The following CCSER1 variants were observed in gnomAD, a reference collection of about 807,000 sequenced individuals.
The protein encoded by CCSER1 is coiled-coil serine rich protein 1, also known as serine-rich coiled-coil domain-containing protein 1.
A neutral mutation model predicts 82.0 loss-of-function variants in CCSER1; 41 were observed. That is an observed-to-expected ratio of 0.50 (90% CI 0.39 to 0.65). The LOEUF (loss-of-function observed/expected upper bound fraction) is 0.65. Among genes scored for constraint, CCSER1 ranks in the 30% least tolerant of loss-of-function variants. The pLI is 0.00. For synonymous variants in CCSER1, 414 were observed against 383.9 expected (o/e 1.08, Z -0.92); for missense variants, 1,119 against 1,064.2 (o/e 1.05, Z -0.72).
At chr4:90,798,382 T>C (rs905339562) in intron 7 of CCSER1, among the ~76,000 whole-genome samples, 1 of 152,172 alleles carries the variant, frequency 6.6e-6, no homozygotes, top group Non-Finnish European at 1.5e-5. Context: ...CTGCATTATT[T>C]ATCAGGATTT....
intron 9 of CCSER1, among the ~76,000 whole-genome samples, chr4:90,966,594 G>C (rs1385596399): frequency 6.6e-6 from 1 of 152,060 alleles, no homozygotes; most frequent in African/African-American, 2.4e-5. Context: ...AAATTTTAAA[G>C]AAAGTCCTTC....
At chr4:90,589,818 T>C (rs1321675514) in intron 5 of CCSER1, among the ~76,000 whole-genome samples, 1 of 152,236 alleles carries the variant, frequency 6.6e-6, no homozygotes, top group Non-Finnish European at 1.5e-5. Flanking sequence ...AGAAACTTTC[T>C]ATTAAAATAA....
intron 9 of CCSER1, among the ~76,000 whole-genome samples, chr4:90,963,888 T>C (rs113479138): frequency 4.1e-4 from 63 of 152,322 alleles, no homozygotes; most frequent in African/African-American, 1.5e-3. Flanking sequence ...TTCAAGAAGT[T>C]AGGAGTTGTC....
intron 6 of CCSER1, among the ~76,000 whole-genome samples, chr4:90,631,362 T>A (rs991705173): frequency 3.3e-5 from 5 of 152,224 alleles, no homozygotes; most frequent in African/African-American, 1.2e-4. Context: ...TTGAAACCTA[T>A]GACTTAGTGG....
chr4:91,419,112 G>A (rs2149381321), intron 10 of CCSER1, among the ~76,000 whole-genome samples: 1 of 151,818 alleles, frequency 6.6e-6, no homozygotes, highest in East Asian at 1.9e-4. Flanking sequence ...TATAAAACAA[G>A]CCCACAGCTA....
chr4:90,894,434 G>A (rs1052242599), intron 8 of CCSER1, among the ~76,000 whole-genome samples: 7 of 151,962 alleles, frequency 4.6e-5, no homozygotes, highest in South Asian at 2.1e-4. Flanking sequence ...TGAAAATGCC[G>A]AGGCAACAAA....
intron 5 of CCSER1, among the ~76,000 whole-genome samples, chr4:90,624,574 A>G (rs527848331): frequency 6.6e-6 from 1 of 152,314 alleles, no homozygotes; most frequent in East Asian, 1.9e-4. Context: ...CTTTCACACA[A>G]AGGATCCCAG....
At chr4:90,669,685 T>A (rs1422679911) in intron 6 of CCSER1, among the ~76,000 whole-genome samples, 1 of 152,074 alleles carries the variant, frequency 6.6e-6, no homozygotes, top group African/African-American at 2.4e-5. Flanking sequence ...TTGGTGTGAA[T>A]GAATCATGTC....
intron 10 of CCSER1, among the ~76,000 whole-genome samples, chr4:91,586,154 T>C (rs1251425417): frequency 6.6e-6 from 1 of 151,642 alleles, no homozygotes; most frequent in Non-Finnish European, 1.5e-5. Flanking sequence ...ACTCATTTAT[T>C]TGTTCAACAA....
At chr4:91,082,502 A>G (rs879910115) in intron 9 of CCSER1, among the ~76,000 whole-genome samples, 1 of 152,232 alleles carries the variant, frequency 6.6e-6, no homozygotes, top group African/African-American at 2.4e-5. Context: ...AGGCATGAGC[A>G]AGGACTTTGT....
At chr4:91,216,168 G>A (rs1431830619) in intron 10 of CCSER1, among the ~76,000 whole-genome samples, 2 of 152,224 alleles carry the variant, frequency 1.3e-5, no homozygotes, top group Non-Finnish European at 2.9e-5. Context: ...TGTCAGACCT[G>A]CAGCTGGTCA....
intron 6 of CCSER1, among the ~76,000 whole-genome samples, chr4:90,644,730 G>C (rs1033107479): frequency 4.0e-5 from 6 of 151,582 alleles, no homozygotes; most frequent in African/African-American, 1.5e-4. Flanking sequence ...TTGATTTTCT[G>C]TGCCTGCATA....
At chr4:90,271,826 T>TTATATA (rs1189309598) in intron 1 of CCSER1, among the ~76,000 whole-genome samples, 130 of 42,806 alleles carry the variant, frequency 3.0e-3, no homozygotes, top group South Asian at 8.5e-3. Flanking sequence ...ACTGGACAAT[T>TTATATA]TATATATATA....
chr4:91,533,210 A>G (rs1335668971), intron 10 of CCSER1, among the ~76,000 whole-genome samples: 1 of 152,194 alleles, frequency 6.6e-6, no homozygotes, highest in Non-Finnish European at 1.5e-5. Flanking sequence ...ATCATTTTAT[A>G]TACTTATTTC....
At position 91,173,056 on chromosome 4, in the gene CCSER1, T is replaced by C. The variant is rs573516566; in HGVS notation, c.2217+87062T>C. Among the ~76,000 whole-genome samples, 42 of 152,314 alleles carry C rather than the reference T, an allele frequency of 2.8e-4. 1 individual carries two copies. In the South Asian group the frequency reaches 8.5e-3, roughly 31 times the overall value. On this transcript the variant is annotated intron_variant, in intron 10 of 10. Transcript: ENST00000509176. ...GTGATTAAATCGAAAGAACATCTGA[T>C]TTACATTTATCTTTTGGCCCTGTTG...
At chr4:90,421,886 G>A (rs570005435) in intron 4 of CCSER1, among the ~76,000 whole-genome samples, 2 of 152,070 alleles carry the variant, frequency 1.3e-5, no homozygotes, top group African/African-American at 4.8e-5. Context: ...GAATTGTTAG[G>A]GTACACCAAA....
At chr4:90,403,097 G>A (rs923314664) in intron 4 of CCSER1, among the ~76,000 whole-genome samples, 1 of 152,088 alleles carries the variant, frequency 6.6e-6, no homozygotes, top group Non-Finnish European at 1.5e-5. Flanking sequence ...CATGTTGTGT[G>A]GTTTTTAAAA....
chr4:91,476,832 T>C (rs1261563972), intron 10 of CCSER1, among the ~76,000 whole-genome samples: 2 of 151,790 alleles, frequency 1.3e-5, no homozygotes, highest in Admixed American at 1.3e-4. Context: ...ATCTCTTCAA[T>C]AGATCATGCT....
At chr4:90,337,621 CTT>C (rs70963064) in intron 3 of CCSER1, among the ~76,000 whole-genome samples, 27 of 149,746 alleles carry the variant, frequency 1.8e-4, no homozygotes, top group African/African-American at 5.1e-4. Flanking sequence ...TGTTTTTAAT[CTT>C]TTTTTTTTTA....
Sources: gnomAD v4.1 joint callset for allele counts (sites outside exome capture counted in the v4.1 genomes callset) on GRCh38, gnomAD v4.1.1 for gene constraint, MANE v1.5 for transcripts, NCBI Gene and HGNC (gene_info 2026-07-23, HGNC 2026-07-21) for gene names.